The following TRRAP variants were observed in gnomAD, a reference collection of about 807,000 sequenced individuals.
The protein encoded by TRRAP is transformation/transcription domain associated protein, also known as transformation/transcription domain-associated protein.
A neutral mutation model predicts 438.8 loss-of-function variants in TRRAP; 41 were observed. The observed-to-expected ratio is 0.09, with a 90% CI of 0.07 to 0.12. The LOEUF is 0.12. TRRAP is among the 10% of genes least tolerant of loss of function. The pLI, the probability that TRRAP is intolerant of heterozygous loss-of-function variation, is 1.00. For synonymous variants in TRRAP, 1,994 were observed against 1,962.9 expected, an observed-to-expected ratio of 1.02 and a Z score of -0.42; for missense variants, 3,122 against 5,055.1, an observed-to-expected ratio of 0.62 and a Z score of 11.60.
chr7:98,953,070 T>A, intron 39 of TRRAP, 97 bp from the exon 40 acceptor site: 1 of 1,220,706 alleles, frequency 8.2e-7, no homozygotes, highest in Non-Finnish European at 1.2e-6. Context: ...TGTGTGTGTG[T>A]GTGTGTGTGT....
intron 30 of TRRAP, 126 bp from the exon 31 acceptor site, chr7:98,942,823 G>C: frequency 1.9e-6 from 2 of 1,028,756 alleles, no homozygotes; most frequent in Non-Finnish European, 2.9e-6. Context: ...TGGTTGCGCT[G>C]TTTTAATAAT....
At chr7:99,001,700 G>C (rs775792248) in intron 67 of TRRAP, among the ~76,000 whole-genome samples, 62 of 152,214 alleles carry the variant, frequency 4.1e-4, no homozygotes, top group Middle Eastern at 3.4e-3. Context: ...TCTGTGTTCC[G>C]TTCGTGGAAT....
intron 12 of TRRAP, among the ~76,000 whole-genome samples, chr7:98,903,905 C>T (rs1332191977): frequency 1.3e-5 from 2 of 151,952 alleles, no homozygotes; most frequent in Non-Finnish European, 2.9e-5. Flanking sequence ...CAGATCTTAG[C>T]CGGGCACGGT....
chr7:98,919,002 A>G (rs1554410030), intron 20 of TRRAP, among the ~76,000 whole-genome samples: 3 of 151,486 alleles, frequency 2.0e-5, no homozygotes, highest in African/African-American at 2.4e-5. Context: ...AAAAAAAAAG[A>G]AAAAAAGGTT....
intron 9 of TRRAP, 46 bp from the exon 10 acceptor site, chr7:98,899,633 C>T: frequency 1.2e-6 from 2 of 1,611,198 alleles, no homozygotes; most frequent in Non-Finnish European, 1.7e-6. Flanking sequence ...ATTTTGTCGC[C>T]ATAGCAGAGT....
chr7:98,893,396 C>T (rs1796061285), intron 5 of TRRAP, among the ~76,000 whole-genome samples: 1 of 152,210 alleles, frequency 6.6e-6, no homozygotes, highest in East Asian at 1.9e-4. Flanking sequence ...CCTCACAGGT[C>T]AGATGTAGAT....
Position 98,994,116 on chromosome 7 carries a change from G to T in TRRAP, c.10047+379G>T, listed in dbSNP as rs757318865. Among the ~76,000 whole-genome samples the T allele has an allele frequency of 9.2e-5, 14 of 152,178 alleles. No individual in the cohort carries two copies. Among genetic ancestry groups the T allele is most frequent in the Admixed American group, 5.2e-4 (8 of 15,276 alleles). On this transcript the variant is annotated intron_variant, in intron 66 of 72. Coordinates refer to ENST00000456197, the MANE Select transcript of TRRAP (RefSeq NM_001375524.1). This position sits in a 1 kb window ranked among gnomAD's most constrained non-coding sequence, Gnocchi z 4.8. ...GGATGTGGGGTCTTTTCAGCAGTCA[G>T]ACCACTTCCTTAATAACGTTGGCTT...
At position 98,957,320 on chromosome 7, in the gene TRRAP, A is replaced by G. The variant is rs78798958; in HGVS notation, c.6232-661A>G. Among the ~76,000 whole-genome samples, 108 of 152,176 alleles carry G rather than the reference A, an allele frequency of 7.1e-4. 2 individuals are homozygous for G. The East Asian group carries it at 0.02, about 29-fold the overall frequency. On this transcript the variant is annotated intron_variant, in intron 43 of 72. Transcript: ENST00000456197. Reference sequence around the variant, plus strand: ...CACTTTTATTCCCTCTTTATTTTTCACAAAGCAGTCAGACTTCCACAAAAG... The same window carrying G: ...CACTTTTATTCCCTCTTTATTTTTCGCAAAGCAGTCAGACTTCCACAAAAG...
chr7:98,984,408 G>C, intron 61 of TRRAP, 50 bp downstream of exon 61: 1 of 1,482,264 alleles, frequency 6.7e-7, no homozygotes, highest in South Asian at 1.5e-5. Flanking sequence ...TTGAGGCCAG[G>C]TGGAGAATGA....
intron 67 of TRRAP, among the ~76,000 whole-genome samples, chr7:98,997,220 C>T (rs1025086568): frequency 2.0e-5 from 3 of 151,744 alleles, no homozygotes; most frequent in Admixed American, 6.6e-5. Flanking sequence ...GTGGGAGGAT[C>T]GCTGGAACTT....
chr7:98,938,356 AAAC>A (rs1554414771), intron 30 of TRRAP, among the ~76,000 whole-genome samples: 1 of 152,118 alleles, frequency 6.6e-6, no homozygotes, highest in Admixed American at 6.5e-5. Context: ...AAATAAATAA[AAAC>A]AATGCATTCA....
chr7:98,961,160 A>G, intron 45 of TRRAP, 101 bp from the exon 46 acceptor site: 2 of 1,093,510 alleles, frequency 1.8e-6, no homozygotes, highest in Non-Finnish European at 2.7e-6. Flanking sequence ...TAGTCTCCAA[A>G]TAATTAATCC....
intron 6 of TRRAP, 39 bp downstream of exon 6, chr7:98,893,920 G>C: frequency 1.3e-6 from 2 of 1,589,478 alleles, no homozygotes; most frequent in Non-Finnish European, 1.7e-6. Flanking sequence ...TATAAAGTGT[G>C]TCAACATGTT....
intron 20 of TRRAP, among the ~76,000 whole-genome samples, chr7:98,919,403 TC>T: frequency 6.6e-6 from 1 of 152,262 alleles, no homozygotes; most frequent in East Asian, 1.9e-4. Context: ...GAGTTCCAGA[TC>T]AGCCTAGGCA....
At chr7:98,963,251 TTG>T (rs1303316284) in intron 47 of TRRAP, among the ~76,000 whole-genome samples, 11 of 152,266 alleles carry the variant, frequency 7.2e-5, no homozygotes, top group African/African-American at 2.6e-4. Context: ...CTAGGAGAAT[TTG>T]GTTAACATGG....
intron 24 of TRRAP, 80 bp from the exon 25 acceptor site, chr7:98,930,553 G>A: frequency 6.4e-7 from 1 of 1,562,716 alleles, no homozygotes; most frequent in Non-Finnish European, 8.7e-7. Flanking sequence ...ACTCCGGCCT[G>A]GGCAATAAGA....
chr7:98,978,366 G>A, intron 57 of TRRAP, 43 bp downstream of exon 57: 2 of 1,523,234 alleles, frequency 1.3e-6, no homozygotes, highest in Non-Finnish European at 1.8e-6. Context: ...AATCAGTTAA[G>A]GGAACCAGGG....
chr7:98,963,768 C>T (rs555787867), intron 47 of TRRAP, among the ~76,000 whole-genome samples: 79 of 152,168 alleles, frequency 5.2e-4, no homozygotes, highest in African/African-American at 7.0e-4. Flanking sequence ...TTGGTTGATC[C>T]GTGAATACAG....
intron 44 of TRRAP, 58 bp downstream of exon 44, chr7:98,958,149 C>A: frequency 6.8e-7 from 1 of 1,461,362 alleles, no homozygotes. Flanking sequence ...TACTGACTAA[C>A]ACCCCAGGAG....
Sources: gnomAD v4.1 joint callset for allele counts (sites outside exome capture counted in the v4.1 genomes callset) on GRCh38, gnomAD v4.1.1 for gene constraint, Gnocchi (gnomAD v3.1) non-coding constraint, MANE v1.5 for transcripts, NCBI Gene and HGNC (gene_info 2026-07-23, HGNC 2026-07-21) for gene names.